Variants in ZNF385A observed in about 807,000 individuals in gnomAD.
ZNF385A encodes zinc finger protein 385A, also known as hematopoietic zinc finger protein.
ZNF385A carries 14 observed loss-of-function variants against 32.1 expected under a neutral mutation model. The observed-to-expected ratio is 0.44, with a 90% CI of 0.29 to 0.68. The LOEUF is 0.68. ZNF385A is among the 30% of genes least tolerant of loss of function. The pLI, the probability that ZNF385A is intolerant of heterozygous loss-of-function variation, is 0.14. For missense variants in ZNF385A, 406 were observed against 478.4 expected, an observed-to-expected ratio of 0.85 and a Z score of 1.41; for synonymous variants, 197 against 202.7, an observed-to-expected ratio of 0.97 and a Z score of 0.24.
intron 2 of ZNF385A, among the ~76,000 whole-genome samples, chr12:54,374,470 G>A (rs941012190): frequency 3.9e-5 from 6 of 152,080 alleles, no homozygotes; most frequent in African/African-American, 1.4e-4. Flanking sequence ...AATGGGGAGA[G>A]GCCTAGCAAT....
intron 1 of ZNF385A, among the ~76,000 whole-genome samples, chr12:54,382,833 T>C (rs1955263096): frequency 6.9e-6 from 1 of 145,630 alleles, no homozygotes; most frequent in East Asian, 2.0e-4. Context: ...CACCATATCC[T>C]TTTTTTTTTA....
At chr12:54,385,922 A>G (rs1178818375), upstream of ZNF385A, 2 of 152,158 alleles carry the variant, frequency 1.3e-5, no homozygotes, top group African/African-American at 4.8e-5. Context: ...GCTCAGGCAC[A>G]GCTGGGGGCT....
At chr12:54,384,315 G>A (rs1955352109) in intron 1 of ZNF385A, 113 bp downstream of exon 1, 1 of 1,250,792 alleles carries the variant, frequency 8.0e-7, no homozygotes, top group Admixed American at 3.2e-5. Context: ...TAAGGAAGAT[G>A]GGGTCATAAG....
At chr12:54,384,734 G>A (rs2137293709), upstream of ZNF385A, 5 of 1,306,786 alleles carry the variant, frequency 3.8e-6, no homozygotes, top group Non-Finnish European at 4.9e-6. Context: ...GGAGCACAGT[G>A]CCCTGTGGGC....
intron 2 of ZNF385A, among the ~76,000 whole-genome samples, chr12:54,374,346 C>T (rs1279430828): frequency 6.6e-6 from 1 of 152,120 alleles, no homozygotes; most frequent in East Asian, 1.9e-4. Flanking sequence ...GAACCTAGGT[C>T]CCCACCTAGT....
chr12:54,371,428 G>A, intron 4 of ZNF385A, 45 bp downstream of exon 4: 2 of 1,583,656 alleles, frequency 1.3e-6, no homozygotes, highest in South Asian at 2.2e-5. Flanking sequence ...AGGCAGGGGT[G>A]GCCTGAGGAC....
chr12:54,384,838 A>G, upstream of ZNF385A: 3 of 1,182,494 alleles, frequency 2.5e-6, no homozygotes, highest in Non-Finnish European at 3.1e-6. Flanking sequence ...GGCACATTAC[A>G]GACCCAGTAA....
In ZNF385A at chr12:54,369,341, C is replaced by G. The variant is rs1195170936; in HGVS notation, c.*915G>C. 2 of 152,132 alleles carry G rather than the reference C, an allele frequency of 1.3e-5. No homozygotes were observed. The highest frequency in any genetic ancestry group is 1.3e-4 in the Admixed American group (2 of 15,238). The allele number at this position is 152,132 out of a possible 1,614,324, so 9.4% of individuals were successfully genotyped here. ...TCGGGGGTGGGGGAGAGGTGTCACACCCCCGCCCGAGTTGTGCAGTGGAGG... is the reference window on the plus strand; with the variant it reads ...TCGGGGGTGGGGGAGAGGTGTCACAGCCCCGCCCGAGTTGTGCAGTGGAGG... On this transcript the variant is annotated 3_prime_UTR_variant, in exon 7 of 7. Transcript: ENST00000394313.
intron 1 of ZNF385A, 148 bp from the exon 2 acceptor site, chr12:54,376,102 T>G (rs1233892705): frequency 1.5e-6 from 1 of 649,248 alleles, no homozygotes; most frequent in Non-Finnish European, 2.8e-6. Flanking sequence ...GTCTTCTGAT[T>G]CTCTCTTAGC....
At chr12:54,386,989 C>T (rs1955507677), upstream of ZNF385A, among the ~76,000 whole-genome samples, 2 of 152,178 alleles carry the variant, frequency 1.3e-5, no homozygotes, top group South Asian at 4.1e-4. Context: ...TGTCACACAG[C>T]CTGTAAATAT....
chr12:54,384,664 C>G lies in ZNF385A; in HGVS notation c.-150G>C. 1 of 1,414,052 alleles carries G rather than the reference C, an allele frequency of 7.1e-7. No homozygotes were observed. The highest frequency in any genetic ancestry group is 1.5e-5 in the South Asian group (1 of 65,408). The allele number at this position is 1,414,052 out of a possible 1,614,324, so 87.6% of individuals were successfully genotyped here. The stretch of plus-strand genomic sequence containing the variant: ...ACTCCCTAGCCAGGGCCCCCACACT[C>G]AGAAGTGTCACCCTCAGTGCACATA... On this transcript the variant is annotated 5_prime_UTR_variant, in exon 1 of 7. Coordinates refer to ENST00000394313, the MANE Select transcript of ZNF385A (RefSeq NM_015481.3).
chr12:54,372,060 C>T (rs556919705), intron 3 of ZNF385A, among the ~76,000 whole-genome samples: 1 of 152,310 alleles, frequency 6.6e-6, no homozygotes, highest in South Asian at 2.1e-4. Flanking sequence ...GTCTGGGCTT[C>T]CTGCCAGGAC....
At chr12:54,386,864 T>G (rs919158159), upstream of ZNF385A, among the ~76,000 whole-genome samples, 7 of 152,214 alleles carry the variant, frequency 4.6e-5, no homozygotes, top group African/African-American at 1.7e-4. Context: ...ATTATCATAT[T>G]TAACCTCTGA....
chr12:54,379,183 G>C (rs1312533749), intron 1 of ZNF385A: 2 of 981,056 alleles, frequency 2.0e-6, no homozygotes, highest in African/African-American at 3.5e-5. Flanking sequence ...CGGGCGGCTC[G>C]GGGCTGTGCG....
intron 1 of ZNF385A, among the ~76,000 whole-genome samples, chr12:54,376,592 G>T (rs1171437024): frequency 1.3e-5 from 2 of 152,182 alleles, no homozygotes; most frequent in East Asian, 1.9e-4. Context: ...TAAATGGGGG[G>T]ACCTAAGCAG....
rs1358015651 is a variant in ZNF385A, at chr12:54,374,114, T to C, written c.220A>G (p.Lys74Glu). 6.4e-7 allele frequency: 1 copy of C among 1,562,998 alleles called. No individual in the cohort carries two copies. The highest frequency in any genetic ancestry group is 1.2e-5 in the South Asian group (1 of 86,038). Residue 74 changes from lysine (K) to glutamate (E), a missense_variant, in exon 3 of 7, where the codon AAA becomes GAA. By Grantham distance (56) the Lys-to-Glu change is moderately conservative. Coordinates refer to ENST00000394313, the MANE Select transcript of ZNF385A (RefSeq NM_015481.3). ...NSQSQAEAHY[K>E]GNRHARRVKG... ...ACTCGTCGGGCGTGGCGATTACCTTTGTAGTGCGCCTCAGCCTGGCTCTTT... is the reference window on the plus strand; with the variant it reads ...ACTCGTCGGGCGTGGCGATTACCTTCGTAGTGCGCCTCAGCCTGGCTCTTT...
chr12:54,385,631 G>T (rs887564717), upstream of ZNF385A: 58 of 985,316 alleles, frequency 5.9e-5, no homozygotes, highest in Non-Finnish European at 6.5e-5. Flanking sequence ...AAGGTCTCCA[G>T]GATCCCTTCC....
chr12:54,382,849 A>C (rs560821726), intron 1 of ZNF385A, among the ~76,000 whole-genome samples: 4 of 152,028 alleles, frequency 2.6e-5, no homozygotes, highest in South Asian at 4.2e-4. Flanking sequence ...TTTTAAAAAA[A>C]ATATTTATTA....
intron 3 of ZNF385A, among the ~76,000 whole-genome samples, chr12:54,373,546 G>T (rs1954672509): frequency 6.6e-6 from 1 of 151,884 alleles, no homozygotes; most frequent in Admixed American, 6.5e-5. Flanking sequence ...AGATCATCCA[G>T]GGAGTTTCCT....
Sources: allele counts gnomAD v4.1 joint callset (sites outside exome capture counted in the v4.1 genomes callset), GRCh38; gene constraint gnomAD v4.1.1; transcripts MANE v1.5; gene names NCBI Gene and HGNC (gene_info 2026-07-23, HGNC 2026-07-21).